MDN1: variants seen among roughly 807,000 people sequenced by gnomAD.
MDN1 encodes midasin.
MDN1 carries 266 observed loss-of-function variants against 669.2 expected under a neutral mutation model. The ratio of observed to expected loss-of-function variants is 0.40; its 90% CI spans 0.36 to 0.44. The LOEUF (loss-of-function observed/expected upper bound fraction) is 0.44. MDN1 is among the 20% of genes least tolerant of loss of function. The pLI is 1.00. For synonymous variants in MDN1, 2,385 were observed against 2,457.1 expected (o/e 0.97, Z 0.87); for missense variants, 5,940 against 6,754.0 (o/e 0.88, Z 4.22).
chr6:89,760,217 A>C (rs1817473256), intron 17 of MDN1, among the ~76,000 whole-genome samples: 1 of 152,218 alleles, frequency 6.6e-6, no homozygotes, highest in South Asian at 2.1e-4. Context: ...CACAGAAACA[A>C]ACTTTTTTTA....
chr6:89,804,101 G>T (rs1190318181), intron 1 of MDN1, among the ~76,000 whole-genome samples: 1 of 151,000 alleles, frequency 6.6e-6, no homozygotes, highest in Non-Finnish European at 1.5e-5. Context: ...GTAGAGACAG[G>T]GTTTCACCAT....
chr6:89,690,863 G>A, intron 63 of MDN1, 29 bp from the exon 64 acceptor site: 1 of 1,608,896 alleles, frequency 6.2e-7, no homozygotes, highest in Non-Finnish European at 8.5e-7. Context: ...GAAAGAAGCT[G>A]AGCTTTCTTT....
At chr6:89,664,138 T>C (rs951269485) in intron 85 of MDN1, among the ~76,000 whole-genome samples, 4 of 152,206 alleles carry the variant, frequency 2.6e-5, no homozygotes, top group Non-Finnish European at 4.4e-5. Context: ...ACTATTTTTC[T>C]AATTAGGAAT....
rs201615390 is a variant in MDN1 at position 89,718,370 on chromosome 6, C to T, written c.6579G>A (p.Lys2193=). 3 of 1,613,358 alleles carry T rather than the reference C, an allele frequency of 1.9e-6. No individual in the cohort carries two copies. In the South Asian group the frequency reaches 3.3e-5, roughly 18 times the overall value. ...RLNNKINSYC[K]AEFAKLVEEF... ...CAGAGATCCAAATATACATACCTGC[C>T]TTGCAGTATGAGTTGATTTTATTGT... The change falls in exon 43 of 102, where the codon AAG becomes AAA. Residue 2193 remains lysine (K), a synonymous_variant. Transcript: ENST00000369393.
chr6:89,819,014 T>G (rs754057727), intron 1 of MDN1, among the ~76,000 whole-genome samples: 6 of 152,186 alleles, frequency 3.9e-5, no homozygotes, highest in Non-Finnish European at 8.8e-5. Context: ...ATTTCCCTCA[T>G]GGCAGAGATC....
At chr6:89,778,632 A>C (rs1270057440) in intron 11 of MDN1, among the ~76,000 whole-genome samples, 2 of 151,806 alleles carry the variant, frequency 1.3e-5, no homozygotes, top group Non-Finnish European at 2.9e-5. Flanking sequence ...CACCTGTAAT[A>C]CCAGCACTTT....
At chr6:89,787,298 T>C (rs1819015127) in intron 8 of MDN1, among the ~76,000 whole-genome samples, 1 of 152,206 alleles carries the variant, frequency 6.6e-6, no homozygotes, top group Non-Finnish European at 1.5e-5. Context: ...TCAGGTAATT[T>C]TAAAATGTAG....
intron 1 of MDN1, among the ~76,000 whole-genome samples, chr6:89,816,673 CTT>C (rs538796145): frequency 1.3e-4 from 18 of 138,026 alleles, no homozygotes; most frequent in Admixed American, 2.2e-4. Context: ...ACACCCCTAT[CTT>C]TTTTTTTTTT....
At chr6:89,654,055 G>C in intron 93 of MDN1, 109 bp downstream of exon 93, 1 of 1,256,044 alleles carries the variant, frequency 8.0e-7, no homozygotes, top group Non-Finnish European at 1.1e-6. Context: ...ATTCATCTAA[G>C]CCATGGATTA....
At chr6:89,685,692 A>C in intron 70 of MDN1, 135 bp downstream of exon 70, 1 of 938,814 alleles carries the variant, frequency 1.1e-6, no homozygotes, top group Middle Eastern at 2.2e-4. Context: ...ATCTAATGTG[A>C]ATCGCATTAA....
At chr6:89,645,219 A>G (rs1480555312) in intron 100 of MDN1, 62 bp from the exon 101 acceptor site, 43 of 1,533,840 alleles carry the variant, frequency 2.8e-5, no homozygotes, top group Admixed American at 5.4e-5. Flanking sequence ...ATAACTCACA[A>G]CTACCCAAAG....
At chr6:89,758,006 C>A (rs907668799) in intron 19 of MDN1, among the ~76,000 whole-genome samples, 1 of 152,166 alleles carries the variant, frequency 6.6e-6, no homozygotes, top group Non-Finnish European at 1.5e-5. Context: ...CAAAATCACA[C>A]CACTGCACTC....
chr6:89,776,509 C>T (rs1393522710), intron 12 of MDN1, 91 bp downstream of exon 12: 8 of 906,820 alleles, frequency 8.8e-6, no homozygotes, highest in Non-Finnish European at 1.4e-5. Flanking sequence ...ACTGCAAAAG[C>T]TGTTCCAACT....
Position 89,799,118 on chromosome 6 carries a change from T to C in MDN1, c.329+4210A>G, listed in dbSNP as rs908863498. 4.6e-5 allele frequency among the ~76,000 whole-genome samples: 7 copies of C among 152,214 alleles called. No individual in the cohort carries two copies. The East Asian group carries it at 9.6e-4, about 21-fold the overall frequency. ...AAATGTGTAACAGCAACTATTTTGG[T>C]CCCTCATTCTGCTGTATGGCCGCAT... On this transcript the variant is annotated intron_variant, in intron 2 of 101. Transcript: ENST00000369393.
Position 89,751,437 on chromosome 6 carries a change from G to T in MDN1, c.3221C>A (p.Ser1074Tyr), listed in dbSNP as rs1216833795. The part of the protein sequence containing the change: ...LNLRDIVRVV[S>Y]AGTYPVLIQG... ...GAGAAAAAAGCCCACACACCCTGCA[G>T]AGACAACTCGGACTATATCTCTCAG... Residue 1074 changes from serine (S) to tyrosine (Y), a missense_variant, in exon 23 of 102, where the codon TCT becomes TAT. Ser to Tyr is a moderately radical substitution (Grantham distance 144, BLOSUM62 -2). Transcript: ENST00000369393. 3 of 1,614,176 alleles carry T rather than the reference G, an allele frequency of 1.9e-6. No individual in the cohort carries two copies. The highest frequency in any genetic ancestry group is 2.5e-6 in the Non-Finnish European group (3 of 1,180,032).
At chr6:89,810,630 T>C (rs534708695) in intron 1 of MDN1, among the ~76,000 whole-genome samples, 2 of 152,256 alleles carry the variant, frequency 1.3e-5, no homozygotes, top group African/African-American at 4.8e-5. Context: ...GTCTCACAGA[T>C]TTATCACTCC....
rs1168606501 is a variant in MDN1, at chr6:89,670,139, CATATATATATATAT to C, written c.13956+766_13956+779del. Reference sequence around the variant, plus strand: ...TTTGGAGACTCTGTCTCCAAAAAAACATATATATATATATATATATATATATATATATTTTTTTT... The same window carrying C: ...TTTGGAGACTCTGTCTCCAAAAAAACATATATATATATATATATTTTTTTT... On this transcript the variant is annotated intron_variant, in intron 83 of 101. Transcript: ENST00000369393. 3.5e-4 allele frequency among the ~76,000 whole-genome samples: 17 copies of C among 48,986 alleles called. 2 individuals are homozygous for C. In the East Asian group the frequency reaches 5.2e-3, roughly 15 times the overall value. 32.1% of individuals were successfully genotyped at this position (48,986 alleles called of 152,430 possible).
Position 89,694,082 on chromosome 6 carries a change from A to G in MDN1, c.9873T>C (p.Pro3291=). ...EDEVVVSYSH[P]HVRLLRQRMD... is the part of the protein sequence containing the mutation. The stretch of plus-strand genomic sequence containing the variant: ...TCACTCTGCTGTGTTACCTGACGTG[A>G]GGATGAGAGTAGCTGACAACGACTT... Residue 3291 remains proline (P), a synonymous_variant, in exon 62 of 102, where the codon CCT becomes CCC. Transcript: ENST00000369393. 1 of 1,613,702 alleles carries G rather than the reference A, an allele frequency of 6.2e-7. No homozygotes were observed. Among genetic ancestry groups the G allele is most frequent in the Non-Finnish European group, 8.5e-7 (1 of 1,179,542 alleles).
At chr6:89,810,425 G>T (rs970966753) in intron 1 of MDN1, among the ~76,000 whole-genome samples, 3 of 152,054 alleles carry the variant, frequency 2.0e-5, no homozygotes, top group South Asian at 2.1e-4. Context: ...AACAGAGTGA[G>T]ACTCTGTCTC....
Sources: gnomAD v4.1 joint callset for allele counts (sites outside exome capture counted in the v4.1 genomes callset) on GRCh38, gnomAD v4.1.1 for gene constraint, MANE v1.5 for transcripts, NCBI Gene and HGNC (gene_info 2026-07-23, HGNC 2026-07-21) for gene names.